SPTLC3: variants seen among roughly 807,000 people sequenced by gnomAD.
SPTLC3 encodes serine palmitoyltransferase 3.
SPTLC3 carries 36 observed loss-of-function variants against 59.3 expected under a neutral mutation model. That is an observed-to-expected ratio of 0.61 (90% CI 0.47 to 0.80). SPTLC3 has a LOEUF of 0.80. Ranked by LOEUF, SPTLC3 falls within the 30% of genes least tolerant of loss-of-function variation. The pLI is 0.00. For missense variants in SPTLC3, 625 were observed against 685.1 expected (o/e 0.91, Z 0.98); for synonymous variants, 257 against 240.8 (o/e 1.07, Z -0.62).
intron 4 of SPTLC3, among the ~76,000 whole-genome samples, chr20:13,081,363 C>T (rs1020781954): frequency 1.3e-5 from 2 of 152,188 alleles, no homozygotes; most frequent in African/African-American, 2.4e-5. Context: ...CTCCTCCCAA[C>T]CATTTATCTT....
At chr20:13,089,453 T>C (rs1002561836) in intron 4 of SPTLC3, among the ~76,000 whole-genome samples, 3 of 152,126 alleles carry the variant, frequency 2.0e-5, no homozygotes, top group Non-Finnish European at 4.4e-5. Context: ...TTTAACACAG[T>C]ATATGCAGAC....
chr20:13,074,249 CT>C, intron 3 of SPTLC3, 99 bp from the exon 4 acceptor site: 1 of 1,494,688 alleles, frequency 6.7e-7, no homozygotes, highest in Non-Finnish European at 9.2e-7. Flanking sequence ...ACCTCATCCT[CT>C]TTTTCTTCAT....
chr20:13,020,540 T>C (rs770263551), intron 1 of SPTLC3, among the ~76,000 whole-genome samples: 1 of 152,048 alleles, frequency 6.6e-6, no homozygotes, highest in African/African-American at 2.4e-5. Context: ...TATTTTGTCA[T>C]TTATATTAGA....
intron 1 of SPTLC3, among the ~76,000 whole-genome samples, chr20:13,035,212 G>GGGGTACTACTAGTTT (rs1568572060): frequency 2.6e-5 from 4 of 152,134 alleles, no homozygotes; most frequent in Non-Finnish European, 5.9e-5. Flanking sequence ...GACACTCAAT[G>GGGGTACTACTAGTTT]AGACTTGGTT....
At chr20:13,013,261 G>T (rs1424398967) in intron 1 of SPTLC3, among the ~76,000 whole-genome samples, 1 of 152,156 alleles carries the variant, frequency 6.6e-6, no homozygotes, top group Non-Finnish European at 1.5e-5. Flanking sequence ...GCAATATCCT[G>T]GTAGAGCTAC....
At chr20:13,154,175 C>T in intron 10 of SPTLC3, 37 bp downstream of exon 10, 1 of 1,610,298 alleles carries the variant, frequency 6.2e-7, no homozygotes, top group Non-Finnish European at 8.5e-7. Flanking sequence ...ACACCTAAAC[C>T]CCAAGGTGAC....
intron 1 of SPTLC3, among the ~76,000 whole-genome samples, chr20:13,020,114 C>T (rs898725295): frequency 1.3e-5 from 2 of 152,046 alleles, no homozygotes; most frequent in African/African-American, 4.8e-5. Flanking sequence ...CCAGAGAAGA[C>T]AGGGTAAAGG....
chr20:13,023,342 T>G (rs534637284), intron 1 of SPTLC3, among the ~76,000 whole-genome samples: 90 of 152,188 alleles, frequency 5.9e-4, no homozygotes, highest in Non-Finnish European at 9.0e-4. Flanking sequence ...CATTAATTTA[T>G]TTCCTATCTG....
At chr20:13,044,104 CTTT>C (rs61675971) in intron 1 of SPTLC3, among the ~76,000 whole-genome samples, 1 of 127,872 alleles carries the variant, frequency 7.8e-6, no homozygotes, top group African/African-American at 2.8e-5. Flanking sequence ...TCTTTTTTTT[CTTT>C]TTTTTTTTTT....
At chr20:13,157,463 C>T (rs1379202969) in intron 10 of SPTLC3, among the ~76,000 whole-genome samples, 1 of 152,056 alleles carries the variant, frequency 6.6e-6, no homozygotes, top group Admixed American at 6.6e-5. Context: ...CTCTAAGACT[C>T]ACACAGGTTG....
At chr20:13,040,838 G>T (rs1052542090) in intron 1 of SPTLC3, among the ~76,000 whole-genome samples, 1 of 152,044 alleles carries the variant, frequency 6.6e-6, no homozygotes, top group Non-Finnish European at 1.5e-5. Flanking sequence ...CTTCATTTTT[G>T]AAGGCTAGTT....
At chr20:13,074,217 C>A in intron 3 of SPTLC3, 132 bp from the exon 4 acceptor site, 1 of 1,163,514 alleles carries the variant, frequency 8.6e-7, no homozygotes, top group Non-Finnish European at 1.3e-6. Flanking sequence ...CCTCACAGAT[C>A]TGAGCTGCCA....
chr20:13,060,004 C>A (rs1265680360), intron 2 of SPTLC3, among the ~76,000 whole-genome samples: 1 of 152,164 alleles, frequency 6.6e-6, no homozygotes, highest in Non-Finnish European at 1.5e-5. Context: ...TAAGTGGCAA[C>A]TTCGTACTTT....
At chr20:13,086,747 T>C (rs1478528816) in intron 4 of SPTLC3, among the ~76,000 whole-genome samples, 1 of 152,142 alleles carries the variant, frequency 6.6e-6, no homozygotes, top group African/African-American at 2.4e-5. Context: ...CTACATTTCC[T>C]TTTTCTTCTC....
chr20:13,067,646 T>C (rs994745633), intron 2 of SPTLC3, among the ~76,000 whole-genome samples: 3 of 152,210 alleles, frequency 2.0e-5, no homozygotes, highest in Non-Finnish European at 4.4e-5. Context: ...CTTTATTCAA[T>C]ATCTCTATCT....
chr20:13,014,745 C>T (rs1985434993), intron 1 of SPTLC3, among the ~76,000 whole-genome samples: 1 of 146,322 alleles, frequency 6.8e-6, no homozygotes, highest in Non-Finnish European at 1.5e-5. Flanking sequence ...TTGTCGGGGA[C>T]ATCTGGGAGA....
chr20:13,023,318 C>T (rs1211473983), intron 1 of SPTLC3, among the ~76,000 whole-genome samples: 1 of 151,566 alleles, frequency 6.6e-6, no homozygotes, highest in Non-Finnish European at 1.5e-5. Flanking sequence ...CACATAAACA[C>T]ACATGCATGC....
intron 8 of SPTLC3, among the ~76,000 whole-genome samples, chr20:13,119,892 T>G (rs1162921387): frequency 6.6e-6 from 1 of 152,230 alleles, no homozygotes; most frequent in Non-Finnish European, 1.5e-5. Context: ...CACACCTGTG[T>G]GGAATGATTT....
chr20:13,155,467 T>C (rs1476167399), intron 10 of SPTLC3, among the ~76,000 whole-genome samples: 1 of 152,160 alleles, frequency 6.6e-6, no homozygotes, highest in Non-Finnish European at 1.5e-5. Context: ...TATAAGTTCC[T>C]AAAAGACAGA....
Sources: gnomAD v4.1 joint callset for allele counts (sites outside exome capture counted in the v4.1 genomes callset) on GRCh38, gnomAD v4.1.1 for gene constraint, MANE v1.5 for transcripts, NCBI Gene and HGNC (gene_info 2026-07-23, HGNC 2026-07-21) for gene names.